BMPER: variants seen among roughly 807,000 people sequenced by gnomAD.
BMPER encodes the protein BMP-binding endothelial regulator protein.
BMPER carries 45 observed loss-of-function variants against 87.3 expected under a neutral mutation model. The ratio of observed to expected loss-of-function variants is 0.52; its 90% CI spans 0.41 to 0.66. The LOEUF (loss-of-function observed/expected upper bound fraction) is 0.66, where lower values mean the gene tolerates loss of function less well. Among genes scored for constraint, BMPER ranks in the 30% least tolerant of loss-of-function variants. The pLI, the probability that BMPER is intolerant of heterozygous loss-of-function variation, is 0.00. For synonymous variants in BMPER, 326 were observed against 316.2 expected, an observed-to-expected ratio of 1.03 and a Z score of -0.33; for missense variants, 784 against 867.5, an observed-to-expected ratio of 0.90 and a Z score of 1.21.
chr7:34,087,990 T>C (rs1703624895), intron 13 of BMPER, among the ~76,000 whole-genome samples: 2 of 152,260 alleles, frequency 1.3e-5, no homozygotes, highest in East Asian at 3.8e-4. Context: ...TGGGCACTTA[T>C]GAATAAAGAG....
chr7:34,141,610 C>CAAAAAA (rs70997567), intron 13 of BMPER, among the ~76,000 whole-genome samples: 11 of 54,952 alleles, frequency 2.0e-4, no homozygotes, highest in Middle Eastern at 0.013. Flanking sequence ...AACACCATCT[C>CAAAAAA]AAAAAAAAAA....
In BMPER at chr7:34,154,323, AC is replaced by A. The variant is rs1398851224; in HGVS notation, c.*1051del. 2.0e-5 allele frequency: 3 copies of A among 152,246 alleles called. No homozygotes were observed. Among genetic ancestry groups the A allele is most frequent in the Non-Finnish European group, 4.4e-5 (3 of 68,042 alleles). 9.4% of individuals were successfully genotyped at this position (152,246 alleles called of 1,614,324 possible). A position where few individuals can be genotyped will look rare whatever the true frequency, so the allele number is the denominator to read the frequency against. ...AATTGATTTAACCTCAGTCCAAAGA[AC>A]AGTCTCTATACTTGCCCTCATTTAC... On this transcript the variant is annotated 3_prime_UTR_variant, in exon 15 of 15. Coordinates refer to ENST00000649409, the MANE Select transcript of BMPER (RefSeq NM_001365308.1).
At chr7:34,134,013 C>T (rs140900124) in intron 13 of BMPER, among the ~76,000 whole-genome samples, 479 of 152,084 alleles carry the variant, frequency 3.1e-3, no homozygotes, top group Non-Finnish European at 5.6e-3. Flanking sequence ...AATGAGATTT[C>T]GTGAAAAAGA....
intron 6 of BMPER, among the ~76,000 whole-genome samples, chr7:34,032,009 GTA>G (rs575406796): frequency 5.1e-4 from 70 of 137,474 alleles, no homozygotes; most frequent in Admixed American, 6.0e-4. Context: ...GTGTGTGTGT[GTA>G]TATATATATA....
At chr7:33,946,867 C>A (rs1026342592) in intron 3 of BMPER, among the ~76,000 whole-genome samples, 5 of 152,152 alleles carry the variant, frequency 3.3e-5, no homozygotes, top group African/African-American at 1.2e-4. Context: ...TTGCATTGCT[C>A]ATATGTTCCA....
intron 2 of BMPER, among the ~76,000 whole-genome samples, chr7:33,932,056 T>C (rs1415612033): frequency 6.6e-6 from 1 of 152,176 alleles, no homozygotes; most frequent in Non-Finnish European, 1.5e-5. Context: ...GCACTGAGTA[T>C]AGTGATACGT....
In BMPER at chr7:34,067,053, G is replaced by T. The variant is rs564098568; in HGVS notation, c.1078+5006G>T. 2.0e-5 allele frequency among the ~76,000 whole-genome samples: 3 copies of T among 152,320 alleles called. No homozygotes were observed. The East Asian group carries it at 5.8e-4, about 29-fold the overall frequency. On this transcript the variant is annotated intron_variant, in intron 11 of 14. Transcript: ENST00000649409. Reference sequence around the variant, plus strand: ...AAGTTCACGATTACATAACACTGAGGCTGATTGAATATGCCGAGCACAGAT... The same window carrying T: ...AAGTTCACGATTACATAACACTGAGTCTGATTGAATATGCCGAGCACAGAT...
chr7:33,986,439 G>T (rs1469853466), intron 6 of BMPER, among the ~76,000 whole-genome samples: 1 of 152,204 alleles, frequency 6.6e-6, no homozygotes, highest in African/African-American at 2.4e-5. Context: ...TATAGCTGTT[G>T]ATTTGAGTAT....
At chr7:34,063,287 C>T (rs552255094) in intron 11 of BMPER, among the ~76,000 whole-genome samples, 1 of 152,044 alleles carries the variant, frequency 6.6e-6, no homozygotes, top group Non-Finnish European at 1.5e-5. Flanking sequence ...TTCCAATTCT[C>T]TAAAATAGAG....
At chr7:34,108,431 T>C (rs1047415535) in intron 13 of BMPER, among the ~76,000 whole-genome samples, 2 of 152,248 alleles carry the variant, frequency 1.3e-5, no homozygotes, top group African/African-American at 4.8e-5. Context: ...TCACACAGTT[T>C]CCATGTTAAT....
intron 6 of BMPER, among the ~76,000 whole-genome samples, chr7:34,024,387 ATATATATATATATATATATATATATAT>A (rs1787297066): frequency 2.0e-3 from 12 of 5,928 alleles, no homozygotes; most frequent in Non-Finnish European, 3.2e-3. Context: ...AAAAAACAAT[ATATATATATATATATATATATATATAT>A]ATATATATAT....
intron 6 of BMPER, among the ~76,000 whole-genome samples, chr7:34,018,181 T>G (rs2127944947): frequency 6.6e-6 from 1 of 151,872 alleles, no homozygotes; most frequent in South Asian, 2.1e-4. Context: ...TAGAAGAAAA[T>G]AGAGGACATA....
intron 6 of BMPER, among the ~76,000 whole-genome samples, chr7:33,991,118 A>T (rs1786203222): frequency 1.4e-5 from 2 of 146,666 alleles, no homozygotes; most frequent in South Asian, 2.2e-4. Context: ...TATCAGAATG[A>T]TGCTGGCCTC....
chr7:33,955,125 G>A (rs1213029785), intron 3 of BMPER, among the ~76,000 whole-genome samples: 1 of 152,190 alleles, frequency 6.6e-6, no homozygotes, highest in African/African-American at 2.4e-5. Flanking sequence ...TCAAACTCTC[G>A]ATCTCAGGTG....
intron 13 of BMPER, among the ~76,000 whole-genome samples, chr7:34,132,573 A>G (rs1790622248): frequency 6.6e-6 from 1 of 152,208 alleles, no homozygotes; most frequent in Non-Finnish European, 1.5e-5. Context: ...AACAATTTCA[A>G]AGACGGTATG....
rs113240345 is a variant in BMPER, at chr7:34,057,831, A to AACACAC, written c.928-206_928-201dup. On this transcript the variant is annotated intron_variant, in intron 9 of 14. Coordinates refer to ENST00000649409, the MANE Select transcript of BMPER (RefSeq NM_001365308.1). Reference sequence around the variant, plus strand: ...AATTATTTTTATATCCAGGAGGGGGAACACACACACACACACACACACACA... The same window carrying AACACAC: ...AATTATTTTTATATCCAGGAGGGGGAACACACACACACACACACACACACACACACA... 4.1e-3 allele frequency among the ~76,000 whole-genome samples: 604 copies of AACACAC among 148,990 alleles called. 4 individuals are homozygous for AACACAC. The highest frequency in any genetic ancestry group is 0.028 in the East Asian group (140 of 5,076).
intron 6 of BMPER, among the ~76,000 whole-genome samples, chr7:34,009,123 A>AT (rs202144339): frequency 5.3e-5 from 8 of 151,150 alleles, no homozygotes; most frequent in South Asian, 2.1e-4. Flanking sequence ...TGTACCCAGT[A>AT]TTTTTTTTTA....
intron 6 of BMPER, among the ~76,000 whole-genome samples, chr7:34,004,476 A>G (rs770302915): frequency 1.3e-4 from 20 of 152,056 alleles, no homozygotes; most frequent in African/African-American, 3.6e-4. Flanking sequence ...TGTTGTTGCT[A>G]TTGTTTTTGT....
At chr7:33,908,935 A>C (rs1783885248) in intron 2 of BMPER, among the ~76,000 whole-genome samples, 1 of 152,128 alleles carries the variant, frequency 6.6e-6, no homozygotes, top group South Asian at 2.1e-4. Context: ...TCTTTGTATA[A>C]CACTCTTGTA....
Sources: allele counts gnomAD v4.1 joint callset (sites outside exome capture counted in the v4.1 genomes callset), GRCh38; gene constraint gnomAD v4.1.1; transcripts MANE v1.5; gene names NCBI Gene and HGNC (gene_info 2026-07-23, HGNC 2026-07-21).